Variants in CARMIL1 observed in about 807,000 individuals in gnomAD.
CARMIL1 encodes capping protein regulator and myosin 1 linker 1, also known as F-actin-uncapping protein LRRC16A.
In CARMIL1, 90 loss-of-function variants were observed where a neutral mutation model predicts 177.1. The ratio of observed to expected loss-of-function variants is 0.51; its 90% CI spans 0.43 to 0.61. The LOEUF (loss-of-function observed/expected upper bound fraction) is 0.61. Ranked by LOEUF, CARMIL1 falls within the 20% of genes least tolerant of loss-of-function variation. The pLI is 0.00. For missense variants in CARMIL1, 1,380 were observed against 1,667.0 expected (o/e 0.83, Z 3.00); for synonymous variants, 577 against 606.2 (o/e 0.95, Z 0.71).
At chr6:25,519,286 C>T (rs1204590391) in intron 22 of CARMIL1, among the ~76,000 whole-genome samples, 1 of 152,076 alleles carries the variant, frequency 6.6e-6, no homozygotes, top group East Asian at 1.9e-4. Flanking sequence ...CCAAGTAGCC[C>T]GAGGTGAAAT....
At chr6:25,561,380 TC>T (rs1446205691) in intron 29 of CARMIL1, among the ~76,000 whole-genome samples, 1 of 152,210 alleles carries the variant, frequency 6.6e-6, no homozygotes, top group East Asian at 1.9e-4. Flanking sequence ...TGTATGTAAT[TC>T]TTTCAATTAT....
intron 3 of CARMIL1, among the ~76,000 whole-genome samples, chr6:25,424,194 C>T (rs921801534): frequency 6.6e-6 from 1 of 152,096 alleles, no homozygotes; most frequent in African/African-American, 2.4e-5. Flanking sequence ...CTTCCTTGTC[C>T]TAGTTCTTTT....
At chr6:25,281,219 G>T (rs1391419416) in intron 1 of CARMIL1, among the ~76,000 whole-genome samples, 1 of 150,610 alleles carries the variant, frequency 6.6e-6, no homozygotes, top group East Asian at 2.0e-4. Flanking sequence ...CCCCAACCCT[G>T]TGGAGTCTGC....
At chr6:25,414,958 G>A (rs746766225) in intron 2 of CARMIL1, among the ~76,000 whole-genome samples, 15 of 152,184 alleles carry the variant, frequency 9.9e-5, no homozygotes, top group Non-Finnish European at 2.1e-4. Flanking sequence ...AGGACACTGT[G>A]TACTTCCACT....
intron 3 of CARMIL1, among the ~76,000 whole-genome samples, chr6:25,422,643 A>G (rs1014265627): frequency 9.2e-5 from 14 of 152,354 alleles, no homozygotes; most frequent in African/African-American, 3.4e-4. Context: ...ACCTGAAGGC[A>G]TGATATGAGG....
intron 5 of CARMIL1, among the ~76,000 whole-genome samples, chr6:25,441,316 C>T (rs1797721115): frequency 1.9e-5 from 1 of 52,834 alleles, no homozygotes; most frequent in African/African-American, 7.9e-5. Flanking sequence ...AACAAACAAA[C>T]AAACATATAT....
chr6:25,555,355 A>G (rs1034497150), intron 28 of CARMIL1, among the ~76,000 whole-genome samples: 8 of 151,132 alleles, frequency 5.3e-5, no homozygotes, highest in Non-Finnish European at 1.2e-4. Context: ...GCCTTTTTTT[A>G]AATAAGTACA....
chr6:25,553,204 A>G (rs955146603), intron 27 of CARMIL1, among the ~76,000 whole-genome samples: 5 of 152,296 alleles, frequency 3.3e-5, no homozygotes, highest in Admixed American at 2.6e-4. Context: ...ATAGGTATGT[A>G]TTTCTCTCAC....
At chr6:25,418,367 C>T (rs1435154246) in intron 2 of CARMIL1, among the ~76,000 whole-genome samples, 3 of 152,014 alleles carry the variant, frequency 2.0e-5, no homozygotes, top group East Asian at 1.9e-4. Context: ...TTATTGTTAT[C>T]GTCTTGAAAT....
At chr6:25,449,612 A>C (rs1798583551) in intron 5 of CARMIL1, among the ~76,000 whole-genome samples, 1 of 152,226 alleles carries the variant, frequency 6.6e-6, no homozygotes, top group African/African-American at 2.4e-5. Context: ...TAAGTGGAGC[A>C]ACTTTTCAAA....
At chr6:25,289,463 G>A (rs1449806438) in intron 2 of CARMIL1, among the ~76,000 whole-genome samples, 1 of 152,062 alleles carries the variant, frequency 6.6e-6, no homozygotes, top group Non-Finnish European at 1.5e-5. Context: ...GTTATCTTAT[G>A]CCCTTTATTT....
At chr6:25,332,359 G>A (rs1352551848) in intron 2 of CARMIL1, among the ~76,000 whole-genome samples, 1 of 152,178 alleles carries the variant, frequency 6.6e-6, no homozygotes, top group Non-Finnish European at 1.5e-5. Flanking sequence ...AGGCAAAAAT[G>A]GAAGTGGTTC....
At chr6:25,287,570 A>T (rs1405857825) in intron 2 of CARMIL1, 1 of 152,734 alleles carries the variant, frequency 6.5e-6, no homozygotes, top group East Asian at 1.9e-4. Flanking sequence ...AACACTGGCC[A>T]AGTGCCAGAG....
intron 2 of CARMIL1, among the ~76,000 whole-genome samples, chr6:25,346,225 C>T (rs1295741125): frequency 6.6e-6 from 1 of 152,124 alleles, no homozygotes; most frequent in Admixed American, 6.5e-5. Flanking sequence ...CCTCCATTAC[C>T]CTCTGGCTTC....
chr6:25,547,397 A>G (rs1809609931), intron 26 of CARMIL1, among the ~76,000 whole-genome samples: 1 of 152,188 alleles, frequency 6.6e-6, no homozygotes, highest in African/African-American at 2.4e-5. Flanking sequence ...GTCTTGTTCT[A>G]CTGCATGTTA....
At chr6:25,325,691 CAG>C (rs1310512548) in intron 2 of CARMIL1, among the ~76,000 whole-genome samples, 1 of 152,014 alleles carries the variant, frequency 6.6e-6, no homozygotes, top group Non-Finnish European at 1.5e-5. Context: ...TAGCGTGTAG[CAG>C]ACAGTGTGCT....
At chr6:25,474,620 C>T (rs182902978) in intron 11 of CARMIL1, among the ~76,000 whole-genome samples, 196 of 152,236 alleles carry the variant, frequency 1.3e-3, no homozygotes, top group African/African-American at 4.5e-3. Context: ...GCAAAAAGTA[C>T]CCTCATAGAA....
intron 2 of CARMIL1, among the ~76,000 whole-genome samples, chr6:25,408,651 A>G (rs1294558492): frequency 6.6e-6 from 1 of 152,140 alleles, no homozygotes; most frequent in Non-Finnish European, 1.5e-5. Context: ...CCAGAATTCA[A>G]ACTGGGGTGG....
At chr6:25,298,089 C>A (rs1782568214) in intron 2 of CARMIL1, among the ~76,000 whole-genome samples, 1 of 152,170 alleles carries the variant, frequency 6.6e-6, no homozygotes, top group African/African-American at 2.4e-5. Flanking sequence ...CAAAAAACTA[C>A]ATTGTAGCTT....
Sources: gnomAD v4.1 joint callset for allele counts (sites outside exome capture counted in the v4.1 genomes callset) on GRCh38, gnomAD v4.1.1 for gene constraint, MANE v1.5 for transcripts, NCBI Gene and HGNC (gene_info 2026-07-23, HGNC 2026-07-21) for gene names.